ZNF573: variants seen among roughly 807,000 people sequenced by gnomAD.
ZNF573 encodes the protein zinc finger protein 573.
ZNF573 carries 41 observed loss-of-function variants against 57.4 expected under a neutral mutation model. The observed-to-expected ratio is 0.71, with a 90% CI of 0.56 to 0.93. ZNF573 has a LOEUF of 0.93. Ranked by LOEUF, ZNF573 falls within the 40% of genes least tolerant of loss-of-function variation. ZNF573 has a pLI of 0.00. For synonymous variants in ZNF573, 249 were observed against 261.0 expected, an observed-to-expected ratio of 0.95 and a Z score of 0.44; for missense variants, 730 against 794.8, an observed-to-expected ratio of 0.92 and a Z score of 0.98.
chr19:37,747,120 G>T (rs1320952977), intron 4 of ZNF573, among the ~76,000 whole-genome samples: 1 of 149,758 alleles, frequency 6.7e-6, no homozygotes, highest in Non-Finnish European at 1.5e-5. Context: ...TGTAATATTT[G>T]ATTCTACCTT....
intron 4 of ZNF573, among the ~76,000 whole-genome samples, chr19:37,752,112 T>G (rs1416214146): frequency 6.6e-6 from 1 of 151,906 alleles, no homozygotes; most frequent in African/African-American, 2.4e-5. Context: ...TATCTCAAAT[T>G]TATGATTAAT....
At chr19:37,740,220 A>G in intron 4 of ZNF573, 26 bp from the exon 5 acceptor site, 1 of 1,525,964 alleles carries the variant, frequency 6.6e-7, no homozygotes, top group Non-Finnish European at 8.8e-7. Context: ...ACAACAAAAA[A>G]AATTTGTATT....
intron 4 of ZNF573, among the ~76,000 whole-genome samples, chr19:37,758,030 C>A (rs2145305555): frequency 6.7e-6 from 1 of 150,338 alleles, no homozygotes; most frequent in Middle Eastern, 3.4e-3. Context: ...ACATCACACA[C>A]CACACACCGG....
chr19:37,750,457 A>G (rs2045422796), intron 4 of ZNF573, among the ~76,000 whole-genome samples: 1 of 152,178 alleles, frequency 6.6e-6, no homozygotes, highest in Non-Finnish European at 1.5e-5. Context: ...AGAAAACATT[A>G]AAAGTTCAGA....
chr19:37,770,180 G>T lies in ZNF573; in HGVS notation c.203-83C>A. On this transcript the variant is annotated intron_variant, in intron 3 of 4. Transcript: ENST00000536220. ...TTTGAGCTTTGATTAAATTTACAATGAACTAAGGACTTCAAATAAAAGAGG... is the reference window on the plus strand; with the variant it reads ...TTTGAGCTTTGATTAAATTTACAATTAACTAAGGACTTCAAATAAAAGAGG... 4 of 1,063,658 alleles carry T rather than the reference G, an allele frequency of 3.8e-6. No individual in the cohort carries two copies. The South Asian group carries it at 5.0e-5, about 13-fold the overall frequency. 65.9% of individuals were successfully genotyped at this position (1,063,658 alleles called of 1,614,324 possible). A position where few individuals can be genotyped will look rare whatever the true frequency, so the allele number is the denominator to read the frequency against.
intron 4 of ZNF573, 88 bp downstream of exon 4, chr19:37,769,917 G>A (rs957755627): frequency 1.7e-6 from 2 of 1,142,962 alleles, no homozygotes. Context: ...TGCCTTGGAG[G>A]AAGGTTTCAC....
intron 4 of ZNF573, among the ~76,000 whole-genome samples, chr19:37,742,791 C>T (rs1196863561): frequency 6.6e-6 from 1 of 152,166 alleles, no homozygotes; most frequent in Non-Finnish European, 1.5e-5. Flanking sequence ...ACAAAAATGA[C>T]AAAAACCATT....
At chr19:37,769,007 C>T (rs1397509222) in intron 4 of ZNF573, among the ~76,000 whole-genome samples, 2 of 150,968 alleles carry the variant, frequency 1.3e-5, no homozygotes, top group Admixed American at 1.3e-4. Flanking sequence ...CTCTGTCGCT[C>T]AGGCTGGAGT....
chr19:37,751,999 C>A (rs932341198), intron 4 of ZNF573, among the ~76,000 whole-genome samples: 1 of 145,840 alleles, frequency 6.9e-6, no homozygotes, highest in African/African-American at 2.6e-5. Context: ...CGTATATATA[C>A]TGTATATAGT....
At chr19:37,744,869 C>A (rs928596298) in intron 4 of ZNF573, among the ~76,000 whole-genome samples, 1 of 151,718 alleles carries the variant, frequency 6.6e-6, no homozygotes, top group Non-Finnish European at 1.5e-5. Context: ...CCAAGCTCTG[C>A]CTCCCAGGTT....
chr19:37,762,032 C>A (rs2045558121), intron 4 of ZNF573, among the ~76,000 whole-genome samples: 1 of 152,148 alleles, frequency 6.6e-6, no homozygotes, highest in Admixed American at 6.5e-5. Flanking sequence ...TCTTATTTCA[C>A]CAAATTATAA....
intron 4 of ZNF573, chr19:37,755,101 C>CT (rs1345514996): frequency 1.3e-5 from 2 of 152,270 alleles, no homozygotes; most frequent in Admixed American, 6.5e-5. Flanking sequence ...TCCTGAGTAG[C>CT]TGGGACTACA....
In ZNF573 at chr19:37,739,009, C is replaced by T; in HGVS notation, c.1481G>A (p.Gly494Asp). 1.2e-6 allele frequency: 2 copies of T among 1,613,650 alleles called. No homozygotes were observed. The highest frequency in any genetic ancestry group is 1.7e-6 in the Non-Finnish European group (2 of 1,179,862). The part of the protein sequence containing the change: ...NLIQHRKTHT[G>D]EKPYKCKECG... The stretch of plus-strand genomic sequence containing the variant: ...TTCCTTACATTTATAGGGTTTCTCA[C>T]CAGTATGAGTTTTCCGATGTTGAAT... The change falls in exon 5 of 5, where the codon GGT becomes GAT. Residue 494 changes from glycine to aspartate, a missense_variant. Gly to Asp is a moderately conservative substitution (Grantham distance 94, BLOSUM62 -1). Coordinates refer to ENST00000536220, the MANE Select transcript of ZNF573 (RefSeq NM_001172690.2).
chr19:37,754,616 T>C (rs1457275793), intron 4 of ZNF573, among the ~76,000 whole-genome samples: 1 of 150,506 alleles, frequency 6.6e-6, no homozygotes, highest in Non-Finnish European at 1.5e-5. Context: ...CTCTATTAAA[T>C]GGCTTTTGCT....
intron 4 of ZNF573, among the ~76,000 whole-genome samples, chr19:37,746,921 A>G (rs1420743106): frequency 6.6e-6 from 1 of 152,168 alleles, no homozygotes; most frequent in South Asian, 2.1e-4. Flanking sequence ...ACTAAAAGGA[A>G]TCACACTCCT....
At chr19:37,764,344 C>T (rs1336052251) in intron 4 of ZNF573, among the ~76,000 whole-genome samples, 3 of 140,956 alleles carry the variant, frequency 2.1e-5, no homozygotes, top group African/African-American at 5.3e-5. Context: ...TTTCTTAAGA[C>T]GGAGTGTCGC....
intron 4 of ZNF573, among the ~76,000 whole-genome samples, chr19:37,743,982 G>A (rs982620065): frequency 6.6e-6 from 1 of 152,124 alleles, no homozygotes; most frequent in Non-Finnish European, 1.5e-5. Context: ...ACCAGGGCCT[G>A]TTGGGGGCTG....
intron 4 of ZNF573, among the ~76,000 whole-genome samples, chr19:37,762,005 T>C (rs554106833): frequency 6.6e-6 from 1 of 152,338 alleles, no homozygotes; most frequent in African/African-American, 2.4e-5. Flanking sequence ...CATATTAGCA[T>C]TGCCTAAGGC....
intron 4 of ZNF573, among the ~76,000 whole-genome samples, chr19:37,753,646 T>A (rs578229393): frequency 3.3e-5 from 5 of 152,266 alleles, no homozygotes; most frequent in Non-Finnish European, 4.4e-5. Flanking sequence ...GAATTATATA[T>A]TAAAAAGCCA....
Sources: allele counts gnomAD v4.1 joint callset (sites outside exome capture counted in the v4.1 genomes callset), GRCh38; gene constraint gnomAD v4.1.1; transcripts MANE v1.5; gene names NCBI Gene and HGNC (gene_info 2026-07-23, HGNC 2026-07-21).